ITCH: variants seen among roughly 807,000 people sequenced by gnomAD.
ITCH encodes itchy E3 ubiquitin protein ligase.
Under a neutral mutation model 126.8 loss-of-function variants are expected in ITCH, and 28 were observed. The observed-to-expected ratio is 0.22, with a 90% CI of 0.16 to 0.30. ITCH has a LOEUF of 0.30. Ranked by LOEUF, ITCH falls within the 10% of genes least tolerant of loss-of-function variation. The pLI is 1.00. For missense variants in ITCH, 631 were observed against 1,032.4 expected, an observed-to-expected ratio of 0.61 and a Z score of 5.33; for synonymous variants, 342 against 340.0, an observed-to-expected ratio of 1.01 and a Z score of -0.06.
chr20:34,461,709 T>TAAAA (rs11469882), intron 13 of ITCH, among the ~76,000 whole-genome samples: 5 of 78,404 alleles, frequency 6.4e-5, no homozygotes, highest in Admixed American at 1.7e-4. Context: ...ACTCCATCTA[T>TAAAA]AAAAAAAAAA....
intron 7 of ITCH, among the ~76,000 whole-genome samples, chr20:34,426,007 A>C (rs1440146468): frequency 6.6e-6 from 1 of 152,244 alleles, no homozygotes; most frequent in Non-Finnish European, 1.5e-5. Context: ...AAAGGTGTTG[A>C]AAGCCTTGGA....
At chr20:34,418,012 G>A (rs1295046800) in intron 6 of ITCH, among the ~76,000 whole-genome samples, 1 of 150,160 alleles carries the variant, frequency 6.7e-6, no homozygotes, top group Non-Finnish European at 1.5e-5. Flanking sequence ...ATTTGCCAAG[G>A]GTGGAGTGCA....
Position 34,417,305 on chromosome 20 carries a change from C to T in ITCH, c.475+3426C>T, listed in dbSNP as rs1205507291. 2.8e-5 allele frequency: 12 copies of T among 428,674 alleles called. No individual in the cohort carries two copies. In the East Asian group the frequency reaches 3.6e-4, roughly 13 times the overall value. The allele number at this position is 428,674 out of a possible 1,614,324, so 26.6% of individuals were successfully genotyped here. ...AGAGACAGGGTTTCTCCGTGTTGGC[C>T]AGGCTGGCTTTGAACTCCCGACCTC... is the stretch of plus-strand genomic sequence containing the variant. On this transcript the variant is annotated intron_variant, in intron 6 of 24. Transcript: ENST00000374864.
At chr20:34,384,702 C>T (rs1324920920) in intron 2 of ITCH, among the ~76,000 whole-genome samples, 4 of 150,516 alleles carry the variant, frequency 2.7e-5, no homozygotes, top group East Asian at 1.9e-4. Context: ...GCTCTGTCGC[C>T]CAGGCTGGAG....
rs563907984 is a variant in ITCH, at chr20:34,365,705, A to G, written c.-99+2356A>G. Among the ~76,000 whole-genome samples the G allele has an allele frequency of 1.4e-3, 219 of 152,200 alleles. 1 individual carries two copies. The highest frequency in any genetic ancestry group is 3.4e-3 in the Admixed American group (52 of 15,272). On this transcript the variant is annotated intron_variant, in intron 1 of 24. Transcript: ENST00000374864. ...GCTGGGTTTACAGGCATGAGCCGCC[A>G]CTCCTGGCCCTAAAAAATACATCTT...
intron 6 of ITCH, among the ~76,000 whole-genome samples, chr20:34,419,422 A>G (rs563980339): frequency 3.3e-5 from 5 of 150,904 alleles, no homozygotes; most frequent in Non-Finnish European, 7.4e-5. Flanking sequence ...GTTTTATCCT[A>G]TGTGTGATAT....
chr20:34,467,161 T>C (rs551232591), intron 14 of ITCH, among the ~76,000 whole-genome samples: 123 of 152,312 alleles, frequency 8.1e-4, no homozygotes, highest in African/African-American at 2.6e-3. Context: ...TTGAAAGATA[T>C]GTCACCAAAA....
intron 1 of ITCH, among the ~76,000 whole-genome samples, chr20:34,363,711 C>A (rs1435714075): frequency 6.6e-6 from 1 of 152,046 alleles, no homozygotes; most frequent in Non-Finnish European, 1.5e-5. Flanking sequence ...GCGGTTCGGC[C>A]TACGCGCGGG....
intron 3 of ITCH, among the ~76,000 whole-genome samples, chr20:34,406,734 C>T (rs562725256): frequency 1.2e-4 from 18 of 152,170 alleles, no homozygotes; most frequent in African/African-American, 4.3e-4. Flanking sequence ...CAGGGTTTCA[C>T]CATGTTAGCC....
intron 3 of ITCH, among the ~76,000 whole-genome samples, chr20:34,395,909 G>A (rs951887974): frequency 6.6e-6 from 1 of 151,886 alleles, no homozygotes; most frequent in East Asian, 1.9e-4. Context: ...AAACATTTGT[G>A]TACAAGTTTT....
At chr20:34,454,807 T>G (rs1057301182) in intron 12 of ITCH, among the ~76,000 whole-genome samples, 2 of 150,058 alleles carry the variant, frequency 1.3e-5, no homozygotes, top group African/African-American at 2.4e-5. Flanking sequence ...TTTTTCTTTT[T>G]TCTTTTCCTG....
chr20:34,456,514 G>A (rs1200802194), intron 12 of ITCH, among the ~76,000 whole-genome samples: 1 of 148,214 alleles, frequency 6.7e-6, no homozygotes, highest in East Asian at 2.0e-4. Flanking sequence ...TAAAAATCAA[G>A]TTGTACAAGT....
intron 19 of ITCH, 97 bp downstream of exon 19, chr20:34,480,829 A>C (rs1309785782): frequency 9.1e-7 from 1 of 1,094,468 alleles, no homozygotes; most frequent in Admixed American, 2.5e-5. Flanking sequence ...TAATTGGTTT[A>C]TTGTATTTAA....
chr20:34,378,139 T>A (rs1351239637), intron 2 of ITCH, among the ~76,000 whole-genome samples: 1 of 151,860 alleles, frequency 6.6e-6, no homozygotes, highest in Non-Finnish European at 1.5e-5. Flanking sequence ...GTGTGTTAGG[T>A]ATAGTCTGAG....
At chr20:34,432,048 C>CA (rs10668679) in intron 7 of ITCH, among the ~76,000 whole-genome samples, 5,692 of 92,060 alleles carry the variant, frequency 0.062, 446 homozygotes, top group African/African-American at 0.17. Flanking sequence ...GATTCTATGT[C>CA]AAAAAAAAAA....
At chr20:34,371,109 A>G (rs1326953053) in intron 2 of ITCH, among the ~76,000 whole-genome samples, 1 of 145,876 alleles carries the variant, frequency 6.9e-6, no homozygotes, top group Non-Finnish European at 1.5e-5. Context: ...CAGAGCTTGC[A>G]GTGAGCCGAG....
intron 23 of ITCH, among the ~76,000 whole-genome samples, chr20:34,502,913 A>G (rs6120666): frequency 0.45 from 67,328 of 151,236 alleles, 15,533 homozygotes; most frequent in Non-Finnish European, 0.5. Flanking sequence ...CAGCTACTCT[A>G]AGGCATGAGA....
At chr20:34,475,640 C>T (rs924139978) in intron 16 of ITCH, among the ~76,000 whole-genome samples, 1 of 151,090 alleles carries the variant, frequency 6.6e-6, no homozygotes, top group African/African-American at 2.4e-5. Flanking sequence ...CAGAGGGAGA[C>T]CGTGGAAAGA....
chr20:34,463,853 T>C (rs550026583), intron 14 of ITCH, among the ~76,000 whole-genome samples: 1 of 152,212 alleles, frequency 6.6e-6, no homozygotes, highest in South Asian at 2.1e-4. Context: ...TGGGTGTTAA[T>C]CCCTTATCAA....
Sources: gnomAD v4.1 joint callset for allele counts (sites outside exome capture counted in the v4.1 genomes callset) on GRCh38, gnomAD v4.1.1 for gene constraint, MANE v1.5 for transcripts, NCBI Gene and HGNC (gene_info 2026-07-23, HGNC 2026-07-21) for gene names.